The following EFCC1 variants were observed in gnomAD, a reference collection of about 807,000 sequenced individuals.
The protein encoded by EFCC1 is EF-hand and coiled-coil domain containing 1.
A neutral mutation model predicts 52.1 loss-of-function variants in EFCC1; 50 were observed. The ratio of observed to expected loss-of-function variants is 0.96; its 90% confidence interval spans 0.76 to 1.21. The LOEUF is 1.21. Ranked by LOEUF, EFCC1 falls within the 50% of genes most tolerant of loss-of-function variation. The pLI, the probability that EFCC1 is intolerant of heterozygous loss-of-function variation, is 0.00. For missense variants in EFCC1, 837 were observed against 867.3 expected, an observed-to-expected ratio of 0.97 and a Z score of 0.44; for synonymous variants, 399 against 396.5, an observed-to-expected ratio of 1.01 and a Z score of -0.08.
rs374412301 is a variant in EFCC1, at chr3:129,037,064, C to T, written c.1540C>T (p.Leu514=). 328 of 1,613,230 alleles carry T rather than the reference C, an allele frequency of 2.0e-4. No homozygotes were observed. Among genetic ancestry groups the T allele is most frequent in the South Asian group, 3.3e-4 (30 of 91,010 alleles). The change falls in exon 6 of 8, where the codon CTG becomes TTG. Residue 514 remains leucine, a synonymous_variant. Coordinates refer to ENST00000683648, the MANE Select transcript of EFCC1 (RefSeq NM_001377500.1). The part of the protein sequence containing the change: ...VETERVRLSL[L]EEKLVDVLQL... ...GACCGAGAGGGTGCGGCTGTCCCTG[C>T]TGGAGGAGAAGCTGGTGGACGTGCT...
chr3:129,034,114 G>C, intron 4 of EFCC1, 50 bp from the exon 5 acceptor site: 1 of 1,610,652 alleles, frequency 6.2e-7, no homozygotes, highest in Non-Finnish European at 8.5e-7. Flanking sequence ...TGGACAGAGC[G>C]GGCTCTGGGA....
At position 129,010,067 on chromosome 3, in the gene EFCC1, A is replaced by T. The variant is rs1175536958; in HGVS notation, c.980+5990A>T. Among the ~76,000 whole-genome samples the T allele has an allele frequency of 6.6e-6, 1 of 152,232 alleles. No individual in the cohort carries two copies. The highest frequency in any genetic ancestry group is 1.5e-5 in the Non-Finnish European group (1 of 68,036). On this transcript the variant is annotated intron_variant, in intron 2 of 7. Transcript: ENST00000683648. This position sits in a 1 kb window ranked among gnomAD's most constrained non-coding sequence, Gnocchi z 4.3. Reference sequence around the variant, plus strand: ...AAGATGTGTGTGGACACACGAATGGACCAGCGGGCATGGGAGTGGATGCTG... The same window carrying T: ...AAGATGTGTGTGGACACACGAATGGTCCAGCGGGCATGGGAGTGGATGCTG...
intron 2 of EFCC1, among the ~76,000 whole-genome samples, chr3:129,012,353 C>T (rs1004126231): frequency 1.3e-5 from 2 of 152,174 alleles, no homozygotes; most frequent in Non-Finnish European, 2.9e-5. Flanking sequence ...GGTGTGCCTG[C>T]ATTTGCTACA....
chr3:129,012,984 T>A (rs1011605144), intron 2 of EFCC1, among the ~76,000 whole-genome samples: 1 of 152,198 alleles, frequency 6.6e-6, no homozygotes, highest in Middle Eastern at 3.2e-3. Flanking sequence ...GAATCTCTTC[T>A]CACATAAGGA....
chr3:129,017,076 C>T (rs1257594252), intron 2 of EFCC1, among the ~76,000 whole-genome samples: 1 of 152,266 alleles, frequency 6.6e-6, no homozygotes, highest in Non-Finnish European at 1.5e-5. Context: ...TGCAAGAGAG[C>T]TGCCATGGCC....
intron 2 of EFCC1, among the ~76,000 whole-genome samples, chr3:129,005,671 C>G (rs967423203): frequency 6.6e-6 from 1 of 152,252 alleles, no homozygotes; most frequent in Non-Finnish European, 1.5e-5. Context: ...CTAGCCCAGG[C>G]TGGGGGTGGA....
chr3:129,004,567 C>G (rs937425486), intron 2 of EFCC1, among the ~76,000 whole-genome samples: 20 of 150,596 alleles, frequency 1.3e-4, no homozygotes, highest in Non-Finnish European at 2.7e-4. Flanking sequence ...TCCATCCATC[C>G]TCCTGTTCAT....
chr3:129,019,401 T>G (rs1945732187), intron 2 of EFCC1, among the ~76,000 whole-genome samples: 1 of 152,214 alleles, frequency 6.6e-6, no homozygotes, highest in Non-Finnish European at 1.5e-5. Context: ...GCCCAGTCAG[T>G]CCACTCATCA....
At position 129,001,523 on chromosome 3, in the gene EFCC1, G is replaced by T. The variant is rs1944745650; in HGVS notation, c.-106G>T. ...TCCCCGGCGCCGCTCCAACCAGACCGCGACCGCTAAGCCCCTCCTTTCGAG... is the reference window on the plus strand; with the variant it reads ...TCCCCGGCGCCGCTCCAACCAGACCTCGACCGCTAAGCCCCTCCTTTCGAG... On this transcript the variant is annotated 5_prime_UTR_variant, in exon 1 of 8. Transcript: ENST00000683648. 3 of 1,330,930 alleles carry T rather than the reference G, an allele frequency of 2.3e-6. No individual in the cohort carries two copies. The highest frequency in any genetic ancestry group is 2.9e-6 in the Non-Finnish European group (3 of 1,045,848). The allele number at this position is 1,330,930 out of a possible 1,614,324, so 82.4% of individuals were successfully genotyped here.
intron 2 of EFCC1, among the ~76,000 whole-genome samples, chr3:129,012,704 G>C (rs1945383424): frequency 6.6e-6 from 1 of 152,172 alleles, no homozygotes; most frequent in Non-Finnish European, 1.5e-5. Flanking sequence ...CCATAGAAGT[G>C]GGACAACTCC....
chr3:129,029,755 TTA>T (rs1256646574), intron 2 of EFCC1, among the ~76,000 whole-genome samples: 1 of 151,784 alleles, frequency 6.6e-6, no homozygotes, highest in African/African-American at 2.4e-5. Context: ...CAGCTAATTT[TTA>T]TATTTTTAGT....
chr3:129,026,795 G>A (rs891872786), intron 2 of EFCC1, among the ~76,000 whole-genome samples: 1 of 152,132 alleles, frequency 6.6e-6, no homozygotes, highest in Admixed American at 6.5e-5. Context: ...CTGTAGTCAC[G>A]CGGTCTCACA....
chr3:129,023,692 A>G (rs1463031468), intron 2 of EFCC1, among the ~76,000 whole-genome samples: 2 of 152,184 alleles, frequency 1.3e-5, no homozygotes, highest in African/African-American at 4.8e-5. Flanking sequence ...CTGGGTTTTC[A>G]TTATTGGTTA....
At chr3:129,032,528 A>C (rs1946292319) in intron 3 of EFCC1, among the ~76,000 whole-genome samples, 1 of 152,068 alleles carries the variant, frequency 6.6e-6, no homozygotes. Flanking sequence ...AAAAAAAGAA[A>C]AAGAAAAGAA....
In EFCC1 at chr3:129,009,091, A is replaced by G. The variant is rs79961148; in HGVS notation, c.980+5014A>G. On this transcript the variant is annotated intron_variant, in intron 2 of 7. Coordinates refer to ENST00000683648, the MANE Select transcript of EFCC1 (RefSeq NM_001377500.1). ...TTGACATCACCATTCATAAAATGTCATTCAATCCCTGCCCAACCAAGGTGT... is the reference window on the plus strand; with the variant it reads ...TTGACATCACCATTCATAAAATGTCGTTCAATCCCTGCCCAACCAAGGTGT... Among the ~76,000 whole-genome samples, 113 of 152,288 alleles carry G rather than the reference A, an allele frequency of 7.4e-4. 1 individual carries two copies. In the East Asian group the frequency reaches 0.02, roughly 28 times the overall value.
chr3:129,017,702 A>G (rs1360973555), intron 2 of EFCC1, among the ~76,000 whole-genome samples: 2 of 152,070 alleles, frequency 1.3e-5, no homozygotes, highest in African/African-American at 2.4e-5. Flanking sequence ...CCAGAAAGCT[A>G]TCTGCATTTC....
intron 2 of EFCC1, among the ~76,000 whole-genome samples, chr3:129,022,228 G>A (rs922857): frequency 3.9e-5 from 6 of 152,194 alleles, no homozygotes; most frequent in Admixed American, 6.5e-5. Flanking sequence ...TCATAGGACC[G>A]CCAGGCCCAG....
chr3:129,022,977 C>T (rs1945928254), intron 2 of EFCC1, among the ~76,000 whole-genome samples: 1 of 152,206 alleles, frequency 6.6e-6, no homozygotes, highest in South Asian at 2.1e-4. Context: ...GCTAGCCTCT[C>T]TTGAATGGAC....
intron 1 of EFCC1, 87 bp downstream of exon 1, chr3:129,002,411 G>C (rs1030908341): frequency 2.1e-6 from 3 of 1,433,022 alleles, no homozygotes; most frequent in Non-Finnish European, 2.7e-6. Flanking sequence ...CGACAGGACA[G>C]AGTCAGAGGA....
Sources: allele counts gnomAD v4.1 joint callset (sites outside exome capture counted in the v4.1 genomes callset), GRCh38; gene constraint gnomAD v4.1.1; non-coding constraint Gnocchi (gnomAD v3.1); transcripts MANE v1.5; gene names NCBI Gene and HGNC (gene_info 2026-07-23, HGNC 2026-07-21).